Variants in AFF2 observed in about 807,000 individuals in gnomAD.
AFF2 encodes the protein ALF transcription elongation factor 2, also known as AF4/FMR2 family member 2.
Under a neutral mutation model 76.9 loss-of-function variants are expected in AFF2, and 14 were observed. The observed-to-expected ratio is 0.18, with a 90% CI of 0.12 to 0.28. The LOEUF (loss-of-function observed/expected upper bound fraction) is 0.28, where lower values mean the gene tolerates loss of function less well. Ranked by LOEUF, AFF2 falls within the 10% of genes least tolerant of loss-of-function variation. The pLI, the probability that AFF2 is intolerant of heterozygous loss-of-function variation, is 1.00. For missense variants in AFF2, 868 were observed against 1,001.1 expected (o/e 0.87, Z 1.79); for synonymous variants, 398 against 366.7 (o/e 1.09, Z -0.98).
chrX:148,677,775 G>C (rs1360378761), intron 3 of AFF2, among the ~76,000 whole-genome samples: 4 of 112,130 alleles, frequency 3.6e-5, no homozygotes, highest in Non-Finnish European at 7.5e-5. Flanking sequence ...CTCTCCCTCA[G>C]TCCCTATGAT....
At chrX:148,845,953 A>C (rs782659131) in intron 7 of AFF2, among the ~76,000 whole-genome samples, 2 of 111,982 alleles carry the variant, frequency 1.8e-5, no homozygotes, top group African/African-American at 3.2e-5. Context: ...TGTTTTCCCT[A>C]GTTGACAAAA....
intron 1 of AFF2, among the ~76,000 whole-genome samples, chrX:148,608,839 C>T (rs968108450): frequency 2.7e-5 from 3 of 111,661 alleles, no homozygotes; most frequent in African/African-American, 9.8e-5. Flanking sequence ...TGTAAAGATG[C>T]TTTTAACAAC....
At chrX:148,502,098 TCA>T (rs1316470557) in intron 1 of AFF2, among the ~76,000 whole-genome samples, 1 of 112,221 alleles carries the variant, frequency 8.9e-6, no homozygotes, top group East Asian at 2.8e-4. Context: ...ACAAACATTA[TCA>T]CAGTTTATTT....
chrX:148,971,747 CTTTTTTTT>C (rs781928514), intron 15 of AFF2, among the ~76,000 whole-genome samples: 2 of 44,730 alleles, frequency 4.5e-5, no homozygotes, highest in South Asian at 1.9e-3. Flanking sequence ...TTTTCTATTT[CTTTTTTTT>C]TTTTTTTTTT....
rs1269465509 is a variant in AFF2, at chrX:148,885,889, G to A, written c.1263G>A (p.Ser421=). The change falls in exon 8 of 21, where the codon TCG becomes TCA. Residue 421 remains serine, a splice_region_variant and synonymous_variant. Coordinates refer to ENST00000370460, the MANE Select transcript of AFF2 (RefSeq NM_002025.4). ...RASTKSVSFK[S]MLEDDLKLSS... ...AAACACCACTCTGATCTCTTTGTAG[G>A]ATGCTTGAGGATGACCTGAAGCTGA... 2.5e-6 allele frequency: 3 copies of A among 1,203,714 alleles called. No individual in the cohort carries two copies. The highest frequency in any genetic ancestry group is 3.4e-6 in the Non-Finnish European group (3 of 890,181).
At chrX:148,753,062 G>C (rs1481978459) in intron 3 of AFF2, among the ~76,000 whole-genome samples, 5 of 111,552 alleles carry the variant, frequency 4.5e-5, no homozygotes. Context: ...CCATTTGTAA[G>C]GCTCACTTCT....
chrX:148,544,210 T>C (rs2052893825), intron 1 of AFF2, among the ~76,000 whole-genome samples: 1 of 112,439 alleles, frequency 8.9e-6, no homozygotes, highest in African/African-American at 3.2e-5. Context: ...TATGGTTACA[T>C]TTTTCCCAAA....
intron 1 of AFF2, among the ~76,000 whole-genome samples, chrX:148,605,702 A>G (rs1351625401): frequency 2.7e-5 from 3 of 112,207 alleles, no homozygotes. Context: ...CCAGCACAAA[A>G]GAGCATCCAA....
chrX:148,851,192 C>A (rs886287562), intron 7 of AFF2, among the ~76,000 whole-genome samples: 10 of 111,746 alleles, frequency 8.9e-5, no homozygotes, highest in African/African-American at 2.9e-4. Context: ...GCTTAAAGCC[C>A]CTCCATTTTA....
intron 1 of AFF2, among the ~76,000 whole-genome samples, chrX:148,606,111 C>T (rs1016687114): frequency 4.5e-5 from 5 of 112,269 alleles, no homozygotes; most frequent in African/African-American, 6.5e-5. Context: ...AGGCATAACT[C>T]CACATATAAT....
intron 8 of AFF2, among the ~76,000 whole-genome samples, chrX:148,892,952 G>C (rs1424104755): frequency 3.6e-5 from 4 of 112,098 alleles, no homozygotes; most frequent in Non-Finnish European, 5.6e-5. Context: ...CAGAGCTCTA[G>C]AAACAGCAGA....
At chrX:148,710,898 T>C (rs1166052004) in intron 3 of AFF2, among the ~76,000 whole-genome samples, 4 of 111,843 alleles carry the variant, frequency 3.6e-5, no homozygotes, top group African/African-American at 1.3e-4. Context: ...GTAAGAATTA[T>C]CTATCTTAAA....
chrX:148,820,429 A>G (rs1340946137), intron 4 of AFF2, among the ~76,000 whole-genome samples: 1 of 112,202 alleles, frequency 8.9e-6, no homozygotes, highest in Non-Finnish European at 1.9e-5. Context: ...AAATGCTACT[A>G]TATATTTAAC....
intron 3 of AFF2, among the ~76,000 whole-genome samples, chrX:148,789,489 T>A (rs1313122940): frequency 9.0e-6 from 1 of 111,701 alleles, no homozygotes; most frequent in Non-Finnish European, 1.9e-5. Context: ...AGAGAGGGAA[T>A]CAGGACCCTT....
chrX:148,939,226 T>A (rs1405339926), intron 9 of AFF2, among the ~76,000 whole-genome samples: 2 of 111,816 alleles, frequency 1.8e-5, no homozygotes, highest in African/African-American at 6.5e-5. Context: ...CTGTATAAAT[T>A]ATCTATACTA....
chrX:148,943,571 G>A (rs1407080620), intron 9 of AFF2, among the ~76,000 whole-genome samples: 6 of 112,053 alleles, frequency 5.4e-5, no homozygotes, highest in Admixed American at 9.4e-5. Flanking sequence ...ACCTTCTAGT[G>A]TTCTTGTGGC....
chrX:148,707,860 C>G lies in AFF2; in HGVS notation c.1041+45092C>G, dbSNP rs185841614. 3.8e-4 allele frequency among the ~76,000 whole-genome samples: 42 copies of G among 111,710 alleles called. No individual in the cohort carries two copies. In the East Asian group the frequency reaches 0.011, roughly 31 times the overall value. On this transcript the variant is annotated intron_variant, in intron 3 of 20. Transcript: ENST00000370460. ...TGTCATCATTAGAATTTTGCAATGCCTCTCATTTATTCTAAGAATAGCTCA... is the reference window on the plus strand; with the variant it reads ...TGTCATCATTAGAATTTTGCAATGCGTCTCATTTATTCTAAGAATAGCTCA...
At position 148,541,042 on chromosome X, in the gene AFF2, G is replaced by C. The variant is rs192547124; in HGVS notation, c.47+39898G>C. The stretch of plus-strand genomic sequence containing the variant: ...AACAACTCAGTCATTCAAACAGCCT[G>C]ATTTTATGAGGTGACATTTTAGATT... On this transcript the variant is annotated intron_variant, in intron 1 of 20. Coordinates refer to ENST00000370460, the MANE Select transcript of AFF2 (RefSeq NM_002025.4). Among the ~76,000 whole-genome samples, 5 of 112,350 alleles carry C rather than the reference G, an allele frequency of 4.5e-5. No homozygotes were observed. In the East Asian group the frequency reaches 1.4e-3, roughly 31 times the overall value.
intron 1 of AFF2, among the ~76,000 whole-genome samples, chrX:148,595,044 C>T (rs782067569): frequency 1.8e-5 from 2 of 111,505 alleles, no homozygotes; most frequent in Non-Finnish European, 3.8e-5. Flanking sequence ...ATTCCACAAG[C>T]CTCCAGAAAG....
Sources: allele counts gnomAD v4.1 joint callset (sites outside exome capture counted in the v4.1 genomes callset), GRCh38; gene constraint gnomAD v4.1.1; transcripts MANE v1.5; gene names NCBI Gene and HGNC (gene_info 2026-07-23, HGNC 2026-07-21).